Variants in ATRN observed in about 807,000 individuals in gnomAD.
The protein encoded by ATRN is attractin-2.
Under a neutral mutation model 178.7 loss-of-function variants are expected in ATRN, and 54 were observed. The observed-to-expected ratio is 0.30, with a 90% CI of 0.24 to 0.38. The LOEUF is 0.38. Among genes scored for constraint, ATRN ranks in the 10% least tolerant of loss-of-function variants. The pLI is 1.00. For synonymous variants in ATRN, 636 were observed against 663.0 expected (o/e 0.96, Z 0.63); for missense variants, 1,443 against 1,815.1 (o/e 0.79, Z 3.73).
At chr20:3,608,527 G>A (rs2086710961) in intron 24 of ATRN, among the ~76,000 whole-genome samples, 2 of 152,118 alleles carry the variant, frequency 1.3e-5, no homozygotes, top group Non-Finnish European at 2.9e-5. Flanking sequence ...TGAATATGTG[G>A]ATTTATTTCT....
intron 1 of ATRN, among the ~76,000 whole-genome samples, chr20:3,513,624 A>G: frequency 6.6e-6 from 1 of 152,184 alleles, no homozygotes; most frequent in Non-Finnish European, 1.5e-5. Context: ...ACTTTAAAGT[A>G]GTTTTTTCCA....
chr20:3,616,627 G>A (rs1378297001), intron 24 of ATRN, among the ~76,000 whole-genome samples: 1 of 152,112 alleles, frequency 6.6e-6, no homozygotes, highest in Non-Finnish European at 1.5e-5. Context: ...GAAGAGACTG[G>A]AGATTGCAGG....
At chr20:3,490,753 C>A in intron 1 of ATRN, 1 of 790,192 alleles carries the variant, frequency 1.3e-6, no homozygotes, top group Admixed American at 1.7e-5. Context: ...TTTATTTACT[C>A]GAGTCTATTA....
intron 1 of ATRN, among the ~76,000 whole-genome samples, chr20:3,488,091 C>T (rs1407840398): frequency 6.6e-6 from 1 of 152,080 alleles, no homozygotes; most frequent in Admixed American, 6.5e-5. Context: ...TAACATGTTC[C>T]CTGCTCTGAT....
rs182377920 is a variant in ATRN at position 3,490,194 on chromosome 20, C to T, written c.410+18677C>T. The T allele has an allele frequency of 5.6e-4, 852 of 1,519,050 alleles. 1 individual carries two copies. Among genetic ancestry groups the T allele is most frequent in the African/African-American group, 1.3e-3 (96 of 72,888 alleles). 94.1% of individuals were successfully genotyped at this position (1,519,050 alleles called of 1,614,324 possible). A position where few individuals can be genotyped will look rare whatever the true frequency, so the allele number is the denominator to read the frequency against. On this transcript the variant is annotated intron_variant, in intron 1 of 28. Coordinates refer to ENST00000262919, the MANE Select transcript of ATRN (RefSeq NM_139321.3). ...TCTCTGGGCTTGCTCTTCTACGGTC[C>T]GCCACATTTCAAGCCTAAAGCTAAG...
chr20:3,576,295 A>G (rs1178556170), intron 13 of ATRN, among the ~76,000 whole-genome samples: 12 of 152,208 alleles, frequency 7.9e-5, no homozygotes. Context: ...AGTCAGGTGT[A>G]CAGCGGCCCA....
chr20:3,602,233 G>T (rs1357155367), intron 23 of ATRN, among the ~76,000 whole-genome samples: 1 of 152,034 alleles, frequency 6.6e-6, no homozygotes, highest in Non-Finnish European at 1.5e-5. Flanking sequence ...AGGAGGCTGA[G>T]GTAGGAGAAT....
At chr20:3,628,944 C>T in intron 25 of ATRN, 2 of 985,328 alleles carry the variant, frequency 2.0e-6, no homozygotes, top group South Asian at 4.7e-5. Flanking sequence ...TCTGACTGGA[C>T]TCTGCCTTCC....
At chr20:3,481,599 G>A (rs568088959) in intron 1 of ATRN, among the ~76,000 whole-genome samples, 1 of 152,082 alleles carries the variant, frequency 6.6e-6, no homozygotes, top group Non-Finnish European at 1.5e-5. Context: ...TCTCATCTGC[G>A]CCTGCCAAAG....
At chr20:3,540,659 A>G (rs2085605645) in intron 3 of ATRN, among the ~76,000 whole-genome samples, 1 of 152,230 alleles carries the variant, frequency 6.6e-6, no homozygotes, top group Non-Finnish European at 1.5e-5. Flanking sequence ...GATATATTGA[A>G]TGATACTATT....
chr20:3,558,685 T>A (rs931442508), intron 6 of ATRN, among the ~76,000 whole-genome samples: 1 of 152,002 alleles, frequency 6.6e-6, no homozygotes, highest in South Asian at 2.1e-4. Context: ...AAAAAAACTT[T>A]TAGCTCTTTA....
At chr20:3,518,240 G>A (rs1224175273) in intron 1 of ATRN, among the ~76,000 whole-genome samples, 5 of 152,136 alleles carry the variant, frequency 3.3e-5, no homozygotes. Context: ...TTCATCCTTG[G>A]ACAAGACAAG....
At position 3,584,173 on chromosome 20, in the gene ATRN, A is replaced by G. The variant is rs916343491; in HGVS notation, c.2950+90A>G. 5 of 1,388,306 alleles carry G rather than the reference A, an allele frequency of 3.6e-6. No homozygotes were observed. In the African/African-American group the frequency reaches 4.3e-5, roughly 12 times the overall value. 86.0% of individuals were successfully genotyped at this position (1,388,306 alleles called of 1,614,324 possible). ...GAGGCTGTGCTGTCAGCCTCTGAAC[A>G]TTTTAGAAACAAGACTGGACATGAC... On this transcript the variant is annotated intron_variant, in intron 17 of 28. Coordinates refer to ENST00000262919, the MANE Select transcript of ATRN (RefSeq NM_139321.3).
At chr20:3,576,705 C>CTATCTA in intron 13 of ATRN, among the ~76,000 whole-genome samples, 154 bp from the exon 14 acceptor site, 1 of 152,022 alleles carries the variant, frequency 6.6e-6, no homozygotes, top group East Asian at 1.9e-4. Flanking sequence ...GTCTATCTAT[C>CTATCTA]TATCTATCTA....
chr20:3,497,147 T>G (rs1441629380), intron 1 of ATRN, among the ~76,000 whole-genome samples: 1 of 148,934 alleles, frequency 6.7e-6, no homozygotes, highest in Non-Finnish European at 1.5e-5. Flanking sequence ...AATTGGAGCA[T>G]TTAGTCCATT....
intron 23 of ATRN, 105 bp downstream of exon 23, chr20:3,601,129 C>A: frequency 1.1e-6 from 1 of 916,410 alleles, no homozygotes; most frequent in Non-Finnish European, 1.7e-6. Flanking sequence ...TGGTTTGAAA[C>A]CCACCCTTGC....
At chr20:3,603,593 G>T (rs1354736484) in intron 23 of ATRN, among the ~76,000 whole-genome samples, 1 of 151,726 alleles carries the variant, frequency 6.6e-6, no homozygotes, top group East Asian at 1.9e-4. Context: ...AGGTTCAAGC[G>T]ATTCTCCTGC....
chr20:3,545,929 G>T, intron 4 of ATRN, 39 bp downstream of exon 4: 3 of 1,597,856 alleles, frequency 1.9e-6, no homozygotes, highest in Non-Finnish European at 2.6e-6. Flanking sequence ...TTTCATTCAG[G>T]AGACTATCTA....
At chr20:3,626,989 G>A (rs750592600) in intron 25 of ATRN, among the ~76,000 whole-genome samples, 2 of 151,856 alleles carry the variant, frequency 1.3e-5, no homozygotes, top group South Asian at 4.2e-4. Context: ...GTTTCACCAG[G>A]TTGGCCAGGC....
Sources: allele counts gnomAD v4.1 joint callset (sites outside exome capture counted in the v4.1 genomes callset), GRCh38; gene constraint gnomAD v4.1.1; transcripts MANE v1.5; gene names NCBI Gene and HGNC (gene_info 2026-07-23, HGNC 2026-07-21).